GAS7: variants seen among roughly 807,000 people sequenced by gnomAD.
The protein encoded by GAS7 is growth arrest-specific protein 7.
GAS7 carries 28 observed loss-of-function variants against 71.1 expected under a neutral mutation model. That is an observed-to-expected ratio of 0.39 (90% CI 0.29 to 0.54). GAS7 has a LOEUF of 0.54. GAS7 is among the 20% of genes least tolerant of loss of function. GAS7 has a pLI of 0.62. For missense variants in GAS7, 436 were observed against 627.8 expected, an observed-to-expected ratio of 0.69 and a Z score of 3.27; for synonymous variants, 258 against 245.8, an observed-to-expected ratio of 1.05 and a Z score of -0.46.
chr17:10,005,018 G>GCT (rs144960172), intron 2 of GAS7, among the ~76,000 whole-genome samples: 12 of 149,736 alleles, frequency 8.0e-5, no homozygotes, highest in East Asian at 2.0e-4. Context: ...TCTCTCTCTC[G>GCT]CTCTCTCTCT....
At chr17:10,145,627 CA>C (rs1176307637) in intron 1 of GAS7, among the ~76,000 whole-genome samples, 1 of 152,208 alleles carries the variant, frequency 6.6e-6, no homozygotes, top group African/African-American at 2.4e-5. Flanking sequence ...GGCATGGGTT[CA>C]GGGGGCATTG....
chr17:9,928,706 G>C (rs947965241), intron 9 of GAS7, among the ~76,000 whole-genome samples: 6 of 152,202 alleles, frequency 3.9e-5, no homozygotes, highest in African/African-American at 1.4e-4. Flanking sequence ...ATACAACCAG[G>C]ACTTAGGTGT....
At chr17:10,008,674 A>G (rs928841728) in intron 2 of GAS7, among the ~76,000 whole-genome samples, 7 of 152,238 alleles carry the variant, frequency 4.6e-5, no homozygotes, top group African/African-American at 1.7e-4. Flanking sequence ...AAGCGGATTA[A>G]TAGGAAGCTT....
chr17:10,089,867 C>T (rs578255829), intron 1 of GAS7, among the ~76,000 whole-genome samples: 7 of 152,190 alleles, frequency 4.6e-5, no homozygotes, highest in African/African-American at 1.7e-4. Flanking sequence ...AAAAGCAAAC[C>T]CTTAGAAGTG....
chr17:10,092,724 C>T (rs777141350), intron 1 of GAS7, among the ~76,000 whole-genome samples: 4 of 152,188 alleles, frequency 2.6e-5, no homozygotes, highest in Non-Finnish European at 5.9e-5. Context: ...GAGGGCCACG[C>T]CCCCCTTGGA....
rs1357403513 is a variant in GAS7, at chr17:10,034,841, C to T, written c.184-14944G>A. The stretch of plus-strand genomic sequence containing the variant: ...TCTGTCCTGATGCGTCCACCTCTTC[C>T]CTGTCACTCCTCCGAGCCACGTGAG... On this transcript the variant is annotated intron_variant, in intron 1 of 13. Coordinates refer to ENST00000432992, the MANE Select transcript of GAS7 (RefSeq NM_201433.2). The surrounding 1 kb of genome is among the most constrained non-coding windows in gnomAD (Gnocchi z 4.4). 1.3e-5 allele frequency among the ~76,000 whole-genome samples: 2 copies of T among 152,164 alleles called. No homozygotes were observed. Among genetic ancestry groups the T allele is most frequent in the Admixed American group, 6.5e-5 (1 of 15,282 alleles).
At chr17:9,968,935 A>G (rs1338750608) in intron 4 of GAS7, among the ~76,000 whole-genome samples, 2 of 152,228 alleles carry the variant, frequency 1.3e-5, no homozygotes, top group Non-Finnish European at 2.9e-5. Context: ...TGGAAGCTTC[A>G]TTAAGAACAT....
intron 2 of GAS7, among the ~76,000 whole-genome samples, chr17:9,987,508 T>C (rs1244795456): frequency 6.6e-6 from 1 of 152,168 alleles, no homozygotes; most frequent in Non-Finnish European, 1.5e-5. Context: ...TAAAGACAGC[T>C]GGGCACAGTG....
At chr17:10,105,249 C>T (rs995453411) in intron 1 of GAS7, among the ~76,000 whole-genome samples, 2 of 152,166 alleles carry the variant, frequency 1.3e-5, no homozygotes, top group Non-Finnish European at 2.9e-5. Flanking sequence ...AGGGGGAAGC[C>T]ACACCTTCTC....
chr17:10,005,935 A>G (rs921986147), intron 2 of GAS7, among the ~76,000 whole-genome samples: 4 of 152,226 alleles, frequency 2.6e-5, no homozygotes, highest in African/African-American at 4.8e-5. Context: ...CACAATGCAC[A>G]GTGGACCTGT....
chr17:9,940,720 C>T (rs4791916), intron 7 of GAS7, among the ~76,000 whole-genome samples: 50,097 of 151,980 alleles, frequency 0.33, 8,639 homozygotes, highest in African/African-American at 0.4. Flanking sequence ...AGTACTTCCA[C>T]GGAAACCTAG....
chr17:10,004,473 C>T (rs546297988), intron 2 of GAS7, among the ~76,000 whole-genome samples: 2 of 152,276 alleles, frequency 1.3e-5, no homozygotes, highest in South Asian at 4.2e-4. Context: ...TCCCGCCGCA[C>T]CACAGGTTCC....
At chr17:9,965,799 T>C (rs2069683573) in intron 4 of GAS7, among the ~76,000 whole-genome samples, 1 of 152,132 alleles carries the variant, frequency 6.6e-6, no homozygotes, top group Admixed American at 6.5e-5. Context: ...AACCCTCCAC[T>C]GGGTGGCACC....
intron 2 of GAS7, among the ~76,000 whole-genome samples, chr17:10,009,120 A>G (rs2071653905): frequency 2.0e-5 from 3 of 151,916 alleles, no homozygotes; most frequent in African/African-American, 7.3e-5. Flanking sequence ...GGAGATCGAG[A>G]CCATCCCGGC....
intron 1 of GAS7, among the ~76,000 whole-genome samples, chr17:10,059,225 T>C (rs1332319046): frequency 2.0e-5 from 3 of 152,176 alleles, no homozygotes; most frequent in Non-Finnish European, 4.4e-5. Context: ...TATCTGCTGG[T>C]TCCCAAGGGC....
chr17:10,126,289 G>A (rs1458591663), intron 1 of GAS7, among the ~76,000 whole-genome samples: 3 of 152,130 alleles, frequency 2.0e-5, no homozygotes, highest in Admixed American at 6.5e-5. Flanking sequence ...GAGGGAAAGA[G>A]AAATCACATG....
intron 1 of GAS7, among the ~76,000 whole-genome samples, chr17:10,065,118 T>C (rs1307491734): frequency 6.6e-6 from 1 of 152,170 alleles, no homozygotes; most frequent in Non-Finnish European, 1.5e-5. Flanking sequence ...CTGAATAGGA[T>C]TTCTGTAACA....
chr17:10,134,013 G>A (rs1354144797), intron 1 of GAS7, among the ~76,000 whole-genome samples: 1 of 150,208 alleles, frequency 6.7e-6, no homozygotes, highest in African/African-American at 2.5e-5. Flanking sequence ...TGGGATGCCT[G>A]ACCTGTACCA....
Position 10,177,482 on chromosome 17 carries a change from C to T in GAS7, c.183+20726G>A, listed in dbSNP as rs528477972. On this transcript the variant is annotated intron_variant, in intron 1 of 13. Transcript: ENST00000432992. Reference sequence around the variant, plus strand: ...ATGCTGCTGACGCCATGTGTGGGGTCCCTGGCTCGGTGGAAACCCAAGAGA... The same window carrying T: ...ATGCTGCTGACGCCATGTGTGGGGTTCCTGGCTCGGTGGAAACCCAAGAGA... Among the ~76,000 whole-genome samples the T allele has an allele frequency of 5.9e-5, 9 of 152,114 alleles. No individual in the cohort carries two copies. In the South Asian group the frequency reaches 1.9e-3, roughly 32 times the overall value.
Sources: allele counts gnomAD v4.1 joint callset (sites outside exome capture counted in the v4.1 genomes callset), GRCh38; gene constraint gnomAD v4.1.1; non-coding constraint Gnocchi (gnomAD v3.1); transcripts MANE v1.5; gene names NCBI Gene and HGNC (gene_info 2026-07-23, HGNC 2026-07-21).